The following CA1 variants were observed in gnomAD, a reference collection of about 807,000 sequenced individuals.
CA1 encodes carbonic anhydrase 1, also known as carbonate dehydratase I.
A neutral mutation model predicts 28.8 loss-of-function variants in CA1; 27 were observed. That is an observed-to-expected ratio of 0.94 (90% CI 0.69 to 1.29). The LOEUF (loss-of-function observed/expected upper bound fraction) is 1.29. CA1 is among the 50% of genes most tolerant of loss of function. The probability of loss-of-function intolerance (pLI) is 0.00; values close to 1 mark genes in which losing one functional copy is unlikely to be tolerated. For missense variants in CA1, 335 were observed against 310.5 expected (o/e 1.08, Z -0.59); for synonymous variants, 121 against 108.8 (o/e 1.11, Z -0.70).
chr8:85,346,771 T>C (rs1032098091), intron 1 of CA1, among the ~76,000 whole-genome samples: 1 of 151,144 alleles, frequency 6.6e-6, no homozygotes, highest in African/African-American at 2.4e-5. Flanking sequence ...TCAAAATAAA[T>C]AAATAAATAA....
chr8:85,363,751 C>T (rs1005136955), intron 1 of CA1, among the ~76,000 whole-genome samples: 12 of 152,180 alleles, frequency 7.9e-5, no homozygotes, highest in African/African-American at 2.9e-4. Flanking sequence ...TCCCTCATAT[C>T]CAGCTAAAGA....
chr8:85,371,548 C>T (rs1013235368), intron 1 of CA1, among the ~76,000 whole-genome samples: 1 of 152,074 alleles, frequency 6.6e-6, no homozygotes, highest in Non-Finnish European at 1.5e-5. Flanking sequence ...CAGAAATCAG[C>T]CCAGCTGGGG....
chr8:85,338,597 T>C, intron 2 of CA1, 148 bp from the exon 3 acceptor site: 1 of 686,874 alleles, frequency 1.5e-6, no homozygotes, highest in South Asian at 1.6e-5. Flanking sequence ...AATTCTGTGT[T>C]TGAAGATGTC....
rs1808452112 is a variant in CA1, at chr8:85,332,544, C to T, written c.459G>A (p.Glu153=). The part of the protein sequence containing the change: ...AVIGVLMKVG[E]ANPKLQKVLD... The stretch of plus-strand genomic sequence containing the variant: ...GTACTTTCTGCAGCTTTGGGTTGGC[C>T]TCACCAACCTGGAGATTTAAGAAAA... The change falls in exon 6 of 8, where the codon GAG becomes GAA. Residue 153 remains glutamate (E), a synonymous_variant. Transcript: ENST00000523022. 1.2e-6 allele frequency: 2 copies of T among 1,611,330 alleles called. No individual in the cohort carries two copies. Among genetic ancestry groups the T allele is most frequent in the Non-Finnish European group, 1.7e-6 (2 of 1,177,902 alleles).
At chr8:85,344,258 C>T (rs1244117924) in intron 1 of CA1, among the ~76,000 whole-genome samples, 9 of 89,938 alleles carry the variant, frequency 1.0e-4, no homozygotes, top group African/African-American at 1.2e-4. Context: ...ATATTATATA[C>T]AGTATATAAT....
At chr8:85,363,298 C>A (rs868098774) in intron 1 of CA1, among the ~76,000 whole-genome samples, 5 of 152,196 alleles carry the variant, frequency 3.3e-5, no homozygotes, top group African/African-American at 1.2e-4. Flanking sequence ...TCTGTTCATG[C>A]AGGTGATAAA....
intron 2 of CA1, among the ~76,000 whole-genome samples, chr8:85,338,896 A>T (rs1808797602): frequency 6.6e-6 from 1 of 151,492 alleles, no homozygotes; most frequent in Non-Finnish European, 1.5e-5. Context: ...TTGTATTTTT[A>T]GTAGAGATGG....
intron 1 of CA1, among the ~76,000 whole-genome samples, chr8:85,358,851 G>GTCCCAGCTGAAATTCAGCC (rs1340053541): frequency 6.6e-6 from 1 of 152,228 alleles, no homozygotes; most frequent in Non-Finnish European, 1.5e-5. Context: ...CATTCCAGCT[G>GTCCCAGCTGAAATTCAGCC]TCCCAGCTGA....
chr8:85,333,936 G>A (rs1015210841), intron 4 of CA1, among the ~76,000 whole-genome samples: 1 of 151,960 alleles, frequency 6.6e-6, no homozygotes, highest in Non-Finnish European at 1.5e-5. Context: ...CTAGTTTTTG[G>A]GAAAATAATT....
At chr8:85,363,233 C>T (rs555842840) in intron 1 of CA1, among the ~76,000 whole-genome samples, 7 of 152,284 alleles carry the variant, frequency 4.6e-5, no homozygotes, top group Admixed American at 2.6e-4. Context: ...AAACTTTGCC[C>T]GCATCTTTCC....
At chr8:85,362,223 C>T (rs1304654798) in intron 1 of CA1, among the ~76,000 whole-genome samples, 1 of 152,184 alleles carries the variant, frequency 6.6e-6, no homozygotes, top group Non-Finnish European at 1.5e-5. Context: ...TCTTTTCTTC[C>T]TCCTTCTTAT....
intron 1 of CA1, among the ~76,000 whole-genome samples, chr8:85,371,723 G>A (rs1810234531): frequency 6.6e-6 from 1 of 152,182 alleles, no homozygotes; most frequent in Non-Finnish European, 1.5e-5. Flanking sequence ...CTACTTTAGA[G>A]AATGAGAACA....
At chr8:85,332,611 A>G (rs1808455742) in intron 5 of CA1, 59 bp from the exon 6 acceptor site, 1 of 1,314,040 alleles carries the variant, frequency 7.6e-7, no homozygotes, top group East Asian at 2.3e-5. Context: ...AACACTGCTT[A>G]GCTAAATTTT....
At chr8:85,331,687 A>C (rs1216235605) in intron 6 of CA1, among the ~76,000 whole-genome samples, 1 of 151,874 alleles carries the variant, frequency 6.6e-6, no homozygotes, top group African/African-American at 2.4e-5. Flanking sequence ...TGAACTCCTG[A>C]CCTCAAGCAA....
intron 1 of CA1, among the ~76,000 whole-genome samples, chr8:85,343,694 G>C (rs367843344): frequency 5.3e-5 from 8 of 152,220 alleles, no homozygotes; most frequent in East Asian, 1.9e-4. Context: ...TCACATGAAT[G>C]CTTTAACATC....
chr8:85,335,687 G>C (rs1168950029), intron 4 of CA1, among the ~76,000 whole-genome samples: 1 of 152,154 alleles, frequency 6.6e-6, no homozygotes, highest in Non-Finnish European at 1.5e-5. Flanking sequence ...ATTTAGATGA[G>C]AGAGTCACTA....
rs1237067718 is a variant in CA1, at chr8:85,332,386, T to C, written c.513+104A>G. 17 of 877,396 alleles carry C rather than the reference T, an allele frequency of 1.9e-5. No individual in the cohort carries two copies. The East Asian group carries it at 2.3e-4, about 12-fold the overall frequency. 54.4% of individuals were successfully genotyped at this position (877,396 alleles called of 1,614,324 possible). A position where few individuals can be genotyped will look rare whatever the true frequency, so the allele number is the denominator to read the frequency against. ...ACCTTGATTTTCAGTTGGTAGCTTT[T>C]ACTATGGCCTTCCTACTCCCCAGTT... On this transcript the variant is annotated intron_variant, in intron 6 of 7. Transcript: ENST00000523022.
chr8:85,376,427 C>T (rs1009719787), intron 1 of CA1, among the ~76,000 whole-genome samples: 12 of 151,980 alleles, frequency 7.9e-5, no homozygotes, highest in East Asian at 1.9e-4. Context: ...TTTGGGAGGC[C>T]GAGGTAGGCG....
intron 1 of CA1, among the ~76,000 whole-genome samples, chr8:85,344,168 ATACTGTATATAATATATAATTATATAT>A (rs1263321074): frequency 7.5e-6 from 1 of 132,682 alleles, no homozygotes. Flanking sequence ...TGTATATTAT[ATACTGTATATAATATATAATTATATAT>A]TATACAGTAT....
Sources: gnomAD v4.1 joint callset for allele counts (sites outside exome capture counted in the v4.1 genomes callset) on GRCh38, gnomAD v4.1.1 for gene constraint, MANE v1.5 for transcripts, NCBI Gene and HGNC (gene_info 2026-07-23, HGNC 2026-07-21) for gene names.